Variants in SCHIP1 observed in about 807,000 individuals in gnomAD.
SCHIP1 encodes schwannomin-interacting protein 1.
SCHIP1 carries 8 observed loss-of-function variants against 29.7 expected under a neutral mutation model. That is an observed-to-expected ratio of 0.27 (90% CI 0.16 to 0.49). The LOEUF is 0.49. SCHIP1 is among the 20% of genes least tolerant of loss of function. SCHIP1 has a pLI of 0.99. For synonymous variants in SCHIP1, 76 were observed against 94.9 expected, an observed-to-expected ratio of 0.80 and a Z score of 1.16; for missense variants, 193 against 294.6, an observed-to-expected ratio of 0.66 and a Z score of 2.52.
chr3:159,677,473 C>T, the SCHIP1 span, among the ~76,000 whole-genome samples: 8 of 152,300 alleles, frequency 5.3e-5, no homozygotes, highest in South Asian at 1.4e-3. Flanking sequence ...GCTGTTCTTG[C>T]ACAGCCATGT....
the SCHIP1 span, among the ~76,000 whole-genome samples, chr3:159,498,038 C>A: frequency 1.3e-5 from 2 of 152,070 alleles, no homozygotes; most frequent in South Asian, 2.1e-4. Flanking sequence ...CTCAATCAAG[C>A]CATAATGTAG....
the SCHIP1 span, among the ~76,000 whole-genome samples, chr3:159,435,808 A>G: frequency 6.6e-6 from 1 of 152,098 alleles, no homozygotes; most frequent in African/African-American, 2.4e-5. Flanking sequence ...AAAGCAGGTG[A>G]GAGTTTCTCT....
At chr3:159,338,921 C>T in the SCHIP1 span, among the ~76,000 whole-genome samples, 11 of 152,034 alleles carry the variant, frequency 7.2e-5, no homozygotes, top group South Asian at 2.3e-3. Flanking sequence ...ATCTTGAATT[C>T]ACATACACTG....
the SCHIP1 span, among the ~76,000 whole-genome samples, chr3:159,488,748 A>G: frequency 6.6e-6 from 1 of 152,220 alleles, no homozygotes; most frequent in African/African-American, 2.4e-5. Context: ...GAGATCAGGA[A>G]CCAACTGTGC....
chr3:159,470,480 G>T, the SCHIP1 span, among the ~76,000 whole-genome samples: 3 of 152,048 alleles, frequency 2.0e-5, no homozygotes, highest in African/African-American at 7.2e-5. Flanking sequence ...CATTTAAAAA[G>T]ATTTTGTTCA....
chr3:159,734,440 C>T, the SCHIP1 span, among the ~76,000 whole-genome samples: 4 of 151,832 alleles, frequency 2.6e-5, no homozygotes, highest in Non-Finnish European at 4.4e-5. Flanking sequence ...GTGCCCAGCC[C>T]ATACTGTTAT....
chr3:159,516,764 G>T, the SCHIP1 span, among the ~76,000 whole-genome samples: 1 of 152,000 alleles, frequency 6.6e-6, no homozygotes, highest in Non-Finnish European at 1.5e-5. Flanking sequence ...GACTCCTCCT[G>T]TTGTCGTCCC....
At chr3:159,704,604 A>G in the SCHIP1 span, among the ~76,000 whole-genome samples, 1 of 152,120 alleles carries the variant, frequency 6.6e-6, no homozygotes, top group Non-Finnish European at 1.5e-5. Context: ...TCTTGAATAA[A>G]TGAGCATTTT....
the SCHIP1 span, among the ~76,000 whole-genome samples, chr3:159,355,524 T>C: frequency 5.9e-5 from 9 of 152,154 alleles, no homozygotes; most frequent in Non-Finnish European, 1.2e-4. Flanking sequence ...AATCTGAAAA[T>C]TGATTTCCTC....
At chr3:159,625,354 C>T in the SCHIP1 span, among the ~76,000 whole-genome samples, 3 of 152,152 alleles carry the variant, frequency 2.0e-5, no homozygotes, top group Non-Finnish European at 4.4e-5. Flanking sequence ...TGTTCAGCTA[C>T]TTAAGTCCTG....
the SCHIP1 span, among the ~76,000 whole-genome samples, chr3:159,363,147 T>C: frequency 6.6e-6 from 1 of 152,186 alleles, no homozygotes; most frequent in African/African-American, 2.4e-5. Context: ...CAAGGTCTGC[T>C]TTAGGAGAGG....
chr3:159,554,256 A>G, the SCHIP1 span, among the ~76,000 whole-genome samples: 1 of 152,176 alleles, frequency 6.6e-6, no homozygotes, highest in Non-Finnish European at 1.5e-5. Context: ...TGGATGCCAT[A>G]GAAATGCAGA....
At chr3:159,840,124 T>G (rs974568228) in exon 1 of SCHIP1, 8 of 1,532,722 alleles carry the variant, frequency 5.2e-6, no homozygotes, top group Non-Finnish European at 7.0e-6. Flanking sequence ...GCTCCGCGCC[T>G]GCCCTCCGCA....
the SCHIP1 span, among the ~76,000 whole-genome samples, chr3:159,328,296 A>T: frequency 2.0e-5 from 3 of 152,156 alleles, no homozygotes; most frequent in South Asian, 2.1e-4. Context: ...AAGTATGAGG[A>T]TGACCAATAT....
At chr3:159,680,541 TG>T in the SCHIP1 span, among the ~76,000 whole-genome samples, 1 of 117,640 alleles carries the variant, frequency 8.5e-6, no homozygotes, top group Non-Finnish European at 1.7e-5. Context: ...ATATAATATA[TG>T]TATATATATA....
chr3:159,861,208 T>C lies in SCHIP1; in HGVS notation c.31-4955T>C, dbSNP rs1369972237. Among the ~76,000 whole-genome samples the C allele has an allele frequency of 6.6e-6, 1 of 152,114 alleles. No homozygotes were observed. The highest frequency in any genetic ancestry group is 1.5e-5 in the Non-Finnish European group (1 of 68,028). ...CCACAATGCTGCTAGTAAGGTGGGC[T>C]GGGCCAGAGGCAGGAAGGCAGAACC... On this transcript the variant is annotated intron_variant, in intron 1 of 6. Transcript: ENST00000445224. This position sits in a 1 kb window ranked among gnomAD's most constrained non-coding sequence, Gnocchi z 4.1.
the SCHIP1 span, among the ~76,000 whole-genome samples, chr3:159,694,556 GA>G: frequency 2.0e-4 from 21 of 104,442 alleles, no homozygotes; most frequent in African/African-American, 6.5e-4. Context: ...AAGAAAGAAA[GA>G]AAGAAAGAAA....
At chr3:159,413,256 A>G in the SCHIP1 span, among the ~76,000 whole-genome samples, 1 of 152,164 alleles carries the variant, frequency 6.6e-6, no homozygotes, top group African/African-American at 2.4e-5. Flanking sequence ...GCCAAACCAT[A>G]TTAGGCATAG....
chr3:159,446,121 C>T, the SCHIP1 span, among the ~76,000 whole-genome samples: 1,864 of 152,052 alleles, frequency 0.012, 14 homozygotes, highest in Middle Eastern at 0.027. Context: ...CCCTTTAGGC[C>T]GGTGGTTTGC....
Sources: gnomAD v4.1 joint callset for allele counts (sites outside exome capture counted in the v4.1 genomes callset) on GRCh38, gnomAD v4.1.1 for gene constraint, Gnocchi (gnomAD v3.1) non-coding constraint, MANE v1.5 for transcripts, NCBI Gene and HGNC (gene_info 2026-07-23, HGNC 2026-07-21) for gene names.